The following CCDC33 variants were observed in gnomAD, a reference collection of about 807,000 sequenced individuals.
CCDC33 encodes coiled-coil domain containing 33.
In CCDC33, 94 loss-of-function variants were observed where a neutral mutation model predicts 91.9. The ratio of observed to expected loss-of-function variants is 1.02; its 90% confidence interval spans 0.87 to 1.21. CCDC33 has a LOEUF of 1.21. Ranked by LOEUF, CCDC33 falls within the 50% of genes most tolerant of loss-of-function variation. CCDC33 has a pLI of 0.00. For missense variants in CCDC33, 940 were observed against 935.5 expected (o/e 1.00, Z -0.06); for synonymous variants, 396 against 374.5 (o/e 1.06, Z -0.66).
chr15:74,334,335 GT>G (rs1448138066), intron 17 of CCDC33, among the ~76,000 whole-genome samples: 3 of 151,452 alleles, frequency 2.0e-5, no homozygotes, highest in African/African-American at 7.3e-5. Context: ...TACAACCAGG[GT>G]TAGGGTTCAG....
chr15:74,276,799 C>T (rs1025870525), intron 7 of CCDC33, among the ~76,000 whole-genome samples: 3 of 152,236 alleles, frequency 2.0e-5, no homozygotes, highest in African/African-American at 4.8e-5. Context: ...CTGCTGCACT[C>T]GCAGTCTGGA....
intron 2 of CCDC33, among the ~76,000 whole-genome samples, chr15:74,227,651 C>T (rs777268119): frequency 1.4e-4 from 22 of 152,146 alleles, no homozygotes; most frequent in Non-Finnish European, 2.2e-4. Context: ...GCATAAGTAG[C>T]CCTGGCCCAT....
rs1288553330 is a variant in CCDC33 at position 74,330,484 on chromosome 15, C to A, written c.1456+130C>A. On this transcript the variant is annotated intron_variant, in intron 12 of 18. Transcript: ENST00000398814. ...TGGACTCTGGCAAATAGGAGCCCCT[C>A]GCCCACAGACACTCACACAGTCCCT... The A allele has an allele frequency of 2.6e-6, 3 of 1,164,620 alleles. No individual in the cohort carries two copies. The South Asian group carries it at 4.6e-5, about 18-fold the overall frequency. 72.1% of individuals were successfully genotyped at this position (1,164,620 alleles called of 1,614,324 possible).
At chr15:74,313,497 C>A (rs1713709495) in intron 11 of CCDC33, among the ~76,000 whole-genome samples, 1 of 143,780 alleles carries the variant, frequency 7.0e-6, no homozygotes, top group Non-Finnish European at 1.5e-5. Context: ...CAGCTCACTG[C>A]AACCTCCGCC....
intron 7 of CCDC33, among the ~76,000 whole-genome samples, chr15:74,275,242 C>T (rs150463532): frequency 1.3e-3 from 191 of 152,360 alleles, no homozygotes; most frequent in South Asian, 2.3e-3. Flanking sequence ...TTACTGGCTG[C>T]ATGACCTTTG....
upstream of CCDC33, among the ~76,000 whole-genome samples, chr15:74,215,886 A>AAAAAAAAAAAAAGAAAG (rs1347849570): frequency 8.8e-6 from 1 of 113,840 alleles, no homozygotes; most frequent in African/African-American, 2.9e-5. Context: ...AAAAAAAAAA[A>AAAAAAAAAAAAAGAAAG]AAAGAAAGAA....
At chr15:74,230,909 C>A (rs1164595480) in intron 2 of CCDC33, among the ~76,000 whole-genome samples, 1 of 152,200 alleles carries the variant, frequency 6.6e-6, no homozygotes, top group Admixed American at 6.5e-5. Flanking sequence ...AGAGCCAGGC[C>A]TGACAGATTC....
chr15:74,262,691 G>A, intron 3 of CCDC33, 118 bp downstream of exon 3: 1 of 1,124,146 alleles, frequency 8.9e-7, no homozygotes, highest in Non-Finnish European at 1.2e-6. Context: ...ACACCTCCTT[G>A]GGCTCAGTTA....
chr15:74,218,595 G>A lies in CCDC33; in HGVS notation c.409G>A (p.Ala137Thr), dbSNP rs1356708232. 2 of 1,289,726 alleles carry A rather than the reference G, an allele frequency of 1.6e-6. No individual in the cohort carries two copies. Among genetic ancestry groups the A allele is most frequent in the East Asian group, 5.5e-5 (1 of 18,038 alleles). The allele number at this position is 1,289,726 out of a possible 1,614,324, so 79.9% of individuals were successfully genotyped here. Residue 137 changes from alanine (A) to threonine (T), a missense_variant, in exon 2 of 3, where the codon GCC (alanine) becomes ACC (threonine). Ala to Thr is a moderately conservative substitution (Grantham distance 58). Coordinates refer to the CCDC33 transcript ENST00000635913. This position sits in a 1 kb window ranked among gnomAD's most constrained non-coding sequence, Gnocchi z 4.8. ...ACGGGCAGCCCAGCGGGTGGGTGAG[G>A]CCATCTTCCCCATCTACCCGAGGCC... is the stretch of plus-strand genomic sequence containing the variant.
chr15:74,255,528 C>T (rs958137989), intron 2 of CCDC33, among the ~76,000 whole-genome samples: 1 of 152,234 alleles, frequency 6.6e-6, no homozygotes, highest in Non-Finnish European at 1.5e-5. Context: ...GTGGGCATGG[C>T]CCCCTCCCTC....
intron 10 of CCDC33, among the ~76,000 whole-genome samples, chr15:74,294,516 G>A (rs985612007): frequency 1.3e-5 from 2 of 152,038 alleles, no homozygotes; most frequent in East Asian, 1.9e-4. Context: ...GGGAGGCCAA[G>A]GTGGGCAGAT....
intron 1 of CCDC33, among the ~76,000 whole-genome samples, chr15:74,206,641 GGGA>G (rs1451044369): frequency 1.3e-5 from 2 of 152,222 alleles, no homozygotes; most frequent in Non-Finnish European, 2.9e-5. Flanking sequence ...CTGAGGAGCG[GGGA>G]GGGAAAGGAG....
Position 74,246,906 on chromosome 15 carries a change from C to T in CCDC33, c.185+2758C>T, listed in dbSNP as rs571462311. 1.7e-3 allele frequency among the ~76,000 whole-genome samples: 251 copies of T among 150,186 alleles called. 1 individual carries two copies. Among genetic ancestry groups the T allele is most frequent in the Non-Finnish European group, 3.2e-3 (214 of 67,414 alleles). ...TCACGCCTGTAATCCCAGCACTTTG[C>T]GGGGCCGAGGTGGGCGGATCACAGG... On this transcript the variant is annotated intron_variant, in intron 2 of 18. Coordinates refer to ENST00000398814, the MANE Select transcript of CCDC33 (RefSeq NM_025055.5).
intron 11 of CCDC33, among the ~76,000 whole-genome samples, chr15:74,315,983 G>A (rs1253917079): frequency 6.6e-6 from 1 of 152,142 alleles, no homozygotes; most frequent in Non-Finnish European, 1.5e-5. Flanking sequence ...CCAGGCACCT[G>A]CCCTGTTTCC....
chr15:74,294,743 T>C, intron 10 of CCDC33, among the ~76,000 whole-genome samples: 1 of 106,284 alleles, frequency 9.4e-6, no homozygotes, highest in African/African-American at 2.7e-5. Flanking sequence ...CAAGACTCTG[T>C]CTCAAAAAAA....
chr15:74,332,566 T>C, intron 15 of CCDC33, 113 bp from the exon 16 acceptor site: 1 of 1,136,186 alleles, frequency 8.8e-7, no homozygotes, highest in Non-Finnish European at 1.3e-6. Flanking sequence ...CATTGAAGGC[T>C]TGGGAGTAGA....
chr15:74,336,365 G>T, downstream of CCDC33: 1 of 1,340,098 alleles, frequency 7.5e-7, no homozygotes. Flanking sequence ...TCCAGACCCG[G>T]AGAAGAAGCA....
intron 2 of CCDC33, among the ~76,000 whole-genome samples, chr15:74,219,424 G>C (rs1360833629): frequency 2.0e-5 from 3 of 152,344 alleles, no homozygotes; most frequent in African/African-American, 7.2e-5. Flanking sequence ...TTGACAGGTG[G>C]AGAAACAGGC....
chr15:74,213,555 C>A (rs2074387877), upstream of CCDC33: 1 of 152,242 alleles, frequency 6.6e-6, no homozygotes, highest in East Asian at 1.9e-4. Context: ...TCCTCCTATT[C>A]ACCTGCCTCT....
Sources: gnomAD v4.1 joint callset for allele counts (sites outside exome capture counted in the v4.1 genomes callset) on GRCh38, gnomAD v4.1.1 for gene constraint, Gnocchi (gnomAD v3.1) non-coding constraint, MANE v1.5 for transcripts, NCBI Gene and HGNC (gene_info 2026-07-23, HGNC 2026-07-21) for gene names.